GRID2: variants seen among roughly 807,000 people sequenced by gnomAD.
The protein encoded by GRID2 is glutamate ionotropic receptor delta type subunit 2.
A neutral mutation model predicts 114.8 loss-of-function variants in GRID2; 33 were observed. The ratio of observed to expected loss-of-function variants is 0.29; its 90% confidence interval spans 0.22 to 0.38. The LOEUF is 0.38. Among genes scored for constraint, GRID2 ranks in the 10% least tolerant of loss-of-function variants. The probability of loss-of-function intolerance (pLI) is 1.00; values close to 1 mark genes in which losing one functional copy is unlikely to be tolerated. For synonymous variants in GRID2, 505 were observed against 449.9 expected (o/e 1.12, Z -1.55); for missense variants, 1,184 against 1,257.7 (o/e 0.94, Z 0.89).
rs1732493021 is a variant in GRID2, at chr4:93,539,973, T to C, written c.2193+24562T>C. 2.6e-5 allele frequency among the ~76,000 whole-genome samples: 4 copies of C among 152,024 alleles called. No individual in the cohort carries two copies. In the South Asian group the frequency reaches 8.3e-4, roughly 31 times the overall value. On this transcript the variant is annotated intron_variant, in intron 13 of 15. Transcript: ENST00000282020. Reference sequence around the variant, plus strand: ...CAGTTCTGAAAGTTTTAAAAAATTATTTTACTGATGGATACTTTACTTCAA... The same window carrying C: ...CAGTTCTGAAAGTTTTAAAAAATTACTTTACTGATGGATACTTTACTTCAA...
chr4:92,767,792 A>G, intron 2 of GRID2, among the ~76,000 whole-genome samples: 1 of 151,916 alleles, frequency 6.6e-6, no homozygotes. Flanking sequence ...TTTAGTTCCA[A>G]CTACTGGGAG....
chr4:92,495,733 A>G (rs1723356386), intron 1 of GRID2, among the ~76,000 whole-genome samples: 1 of 151,970 alleles, frequency 6.6e-6, no homozygotes, highest in Non-Finnish European at 1.5e-5. Flanking sequence ...ATATATGACC[A>G]TATTTAGAGT....
At chr4:93,739,910 C>G (rs553989076) in intron 14 of GRID2, among the ~76,000 whole-genome samples, 12 of 152,230 alleles carry the variant, frequency 7.9e-5, no homozygotes, top group Non-Finnish European at 1.5e-4. Context: ...CACAATAACC[C>G]TATAAAATTC....
chr4:93,313,709 T>C (rs1018325537), intron 8 of GRID2, among the ~76,000 whole-genome samples: 1 of 152,182 alleles, frequency 6.6e-6, no homozygotes, highest in African/African-American at 2.4e-5. Context: ...GAAACATTTT[T>C]AAAGTAATAT....
At chr4:92,541,598 G>C (rs550453120) in intron 1 of GRID2, among the ~76,000 whole-genome samples, 1 of 151,350 alleles carries the variant, frequency 6.6e-6, no homozygotes, top group Non-Finnish European at 1.5e-5. Flanking sequence ...TAATACATGG[G>C]GATACATGAT....
rs553210712 is a variant in GRID2 at position 93,256,812 on chromosome 4, A to T, written c.1245+18322A>T. Among the ~76,000 whole-genome samples the T allele has an allele frequency of 2.6e-5, 4 of 151,988 alleles. No individual in the cohort carries two copies. In the South Asian group the frequency reaches 8.3e-4, roughly 32 times the overall value. On this transcript the variant is annotated intron_variant, in intron 8 of 15. Coordinates refer to ENST00000282020, the MANE Select transcript of GRID2 (RefSeq NM_001510.4). ...GGGTCAAATATTTTTGAATTGAGTT[A>T]TTCTGTACAGTGTGCTATAGTTTTG...
rs184979665 is a variant in GRID2 at position 92,743,531 on chromosome 4, C to T, written c.244+153245C>T. On this transcript the variant is annotated intron_variant, in intron 2 of 15. Transcript: ENST00000282020. ...GAGGACAAGAAATAGCTTTTCTTCA[C>T]TACATATTTTTATTTATATTTATTT... Among the ~76,000 whole-genome samples the T allele has an allele frequency of 6.2e-4, 95 of 152,232 alleles. 1 individual carries two copies. The East Asian group carries it at 0.016, about 26-fold the overall frequency.
intron 2 of GRID2, among the ~76,000 whole-genome samples, chr4:92,922,910 A>G (rs1348805285): frequency 1.3e-5 from 2 of 152,320 alleles, no homozygotes; most frequent in Admixed American, 1.3e-4. Flanking sequence ...GACTGGAAGG[A>G]GACACAACGG....
intron 3 of GRID2, among the ~76,000 whole-genome samples, chr4:93,089,499 G>A (rs1475661991): frequency 6.6e-6 from 1 of 151,984 alleles, no homozygotes; most frequent in Non-Finnish European, 1.5e-5. Flanking sequence ...AATGCTTCTG[G>A]CCCAGTAAAG....
At chr4:93,199,458 A>G (rs1741852241) in intron 4 of GRID2, among the ~76,000 whole-genome samples, 1 of 152,188 alleles carries the variant, frequency 6.6e-6, no homozygotes, top group Non-Finnish European at 1.5e-5. Flanking sequence ...CAGCGGTGGC[A>G]TATTTTCATC....
At chr4:93,436,061 A>C (rs146603245) in intron 10 of GRID2, among the ~76,000 whole-genome samples, 4,153 of 152,314 alleles carry the variant, frequency 0.027, 95 homozygotes, top group Admixed American at 0.042. Flanking sequence ...AGCTAAATTA[A>C]TTAGGTGTCT....
chr4:92,962,634 C>A (rs1325141931), intron 2 of GRID2, among the ~76,000 whole-genome samples: 1 of 151,910 alleles, frequency 6.6e-6, no homozygotes, highest in African/African-American at 2.4e-5. Flanking sequence ...AAAATGGTTA[C>A]TTTCTCCCTT....
At chr4:92,941,052 G>C (rs926118439) in intron 2 of GRID2, among the ~76,000 whole-genome samples, 13 of 152,156 alleles carry the variant, frequency 8.5e-5, no homozygotes, top group Admixed American at 7.2e-4. Flanking sequence ...GTCTGTGCCA[G>C]ACTTTGGTAT....
intron 2 of GRID2, among the ~76,000 whole-genome samples, chr4:92,717,564 T>G (rs1735611067): frequency 6.6e-6 from 1 of 152,186 alleles, no homozygotes; most frequent in South Asian, 2.1e-4. Context: ...TAATATATGT[T>G]AAAGTAAACA....
At chr4:93,604,919 ATG>A (rs1339013770) in intron 13 of GRID2, among the ~76,000 whole-genome samples, 1 of 152,200 alleles carries the variant, frequency 6.6e-6, no homozygotes, top group African/African-American at 2.4e-5. Context: ...TAACCTTTAT[ATG>A]TACTGGGAAA....
At chr4:92,902,454 C>T (rs1198274025) in intron 2 of GRID2, among the ~76,000 whole-genome samples, 2 of 151,862 alleles carry the variant, frequency 1.3e-5, no homozygotes. Context: ...CTGCTCTGAT[C>T]TTTGCTATTT....
chr4:93,761,489 G>C (rs896599051), intron 14 of GRID2, among the ~76,000 whole-genome samples: 1 of 152,168 alleles, frequency 6.6e-6, no homozygotes, highest in African/African-American at 2.4e-5. Context: ...TACAAAGGCA[G>C]AGTTGAGTAG....
At chr4:93,771,016 GA>G (rs1299014620) in intron 15 of GRID2, among the ~76,000 whole-genome samples, 1 of 151,892 alleles carries the variant, frequency 6.6e-6, no homozygotes, top group Admixed American at 6.6e-5. Flanking sequence ...ATAGCACAAT[GA>G]AAAAAATACA....
At chr4:92,539,533 A>T (rs932719046) in intron 1 of GRID2, among the ~76,000 whole-genome samples, 1 of 152,130 alleles carries the variant, frequency 6.6e-6, no homozygotes, top group African/African-American at 2.4e-5. Flanking sequence ...TTATAATCCT[A>T]GACAATCCAT....
Sources: gnomAD v4.1 joint callset for allele counts (sites outside exome capture counted in the v4.1 genomes callset) on GRCh38, gnomAD v4.1.1 for gene constraint, MANE v1.5 for transcripts, NCBI Gene and HGNC (gene_info 2026-07-23, HGNC 2026-07-21) for gene names.